The following NCAM2 variants were observed in gnomAD, a reference collection of about 807,000 sequenced individuals.
NCAM2 encodes the protein N-CAM-2.
A neutral mutation model predicts 98.1 loss-of-function variants in NCAM2; 30 were observed. The observed-to-expected ratio is 0.31, with a 90% CI of 0.23 to 0.41. The LOEUF is 0.41. Among genes scored for constraint, NCAM2 ranks in the 10% least tolerant of loss-of-function variants. The probability of loss-of-function intolerance (pLI) is 1.00; values close to 1 mark genes in which losing one functional copy is unlikely to be tolerated. For synonymous variants in NCAM2, 368 were observed against 342.4 expected (o/e 1.07, Z -0.83); for missense variants, 867 against 1,005.8 (o/e 0.86, Z 1.87).
At chr21:21,154,560 GAC>G (rs2067552083) in intron 1 of NCAM2, among the ~76,000 whole-genome samples, 1 of 151,856 alleles carries the variant, frequency 6.6e-6, no homozygotes, top group South Asian at 2.1e-4. Flanking sequence ...ATAAAGGAAA[GAC>G]ACAAAACGAA....
rs376603201 is a variant in NCAM2, at chr21:21,124,516, A to G, written c.55+125898A>G. On this transcript the variant is annotated intron_variant, in intron 1 of 17. Coordinates refer to ENST00000400546, the MANE Select transcript of NCAM2 (RefSeq NM_004540.5). Reference sequence around the variant, plus strand: ...GGCTACATTTGCTAATTGAAATAGTAACAATGGAAAGCAGGAACTATTGTG... The same window carrying G: ...GGCTACATTTGCTAATTGAAATAGTGACAATGGAAAGCAGGAACTATTGTG... Among the ~76,000 whole-genome samples, 4 of 152,292 alleles carry G rather than the reference A, an allele frequency of 2.6e-5. No individual in the cohort carries two copies. The South Asian group carries it at 8.3e-4, about 32-fold the overall frequency.
chr21:21,450,194 TCA>T (rs1170197572), intron 12 of NCAM2, among the ~76,000 whole-genome samples: 1 of 152,018 alleles, frequency 6.6e-6, no homozygotes, highest in East Asian at 1.9e-4. Flanking sequence ...ATTTAAATAA[TCA>T]CACTGAATAA....
At chr21:21,301,387 T>A (rs200475950) in intron 5 of NCAM2, among the ~76,000 whole-genome samples, 2 of 10,464 alleles carry the variant, frequency 1.9e-4, no homozygotes, top group African/African-American at 2.7e-4. Context: ...TTTTTCTATT[T>A]TTTTTTTTTA....
chr21:21,464,143 C>G (rs372127000), intron 12 of NCAM2, among the ~76,000 whole-genome samples: 4 of 152,170 alleles, frequency 2.6e-5, no homozygotes, highest in South Asian at 2.1e-4. Flanking sequence ...GATGCCATCA[C>G]CAACGCAGCC....
At chr21:21,340,477 T>C (rs929820459) in intron 8 of NCAM2, among the ~76,000 whole-genome samples, 3 of 151,958 alleles carry the variant, frequency 2.0e-5, no homozygotes, top group Non-Finnish European at 4.4e-5. Context: ...AAAATAATCT[T>C]AAAGCTTTTG....
chr21:21,266,813 A>T (rs2072299737), intron 1 of NCAM2, among the ~76,000 whole-genome samples: 1 of 152,168 alleles, frequency 6.6e-6, no homozygotes, highest in Non-Finnish European at 1.5e-5. Context: ...TGGCACATGT[A>T]TACATATGCA....
chr21:21,198,475 C>G (rs2069092946), intron 1 of NCAM2, among the ~76,000 whole-genome samples: 1 of 151,942 alleles, frequency 6.6e-6, no homozygotes, highest in Non-Finnish European at 1.5e-5. Context: ...AGAGAATGAC[C>G]TTATAGAAAG....
intron 15 of NCAM2, among the ~76,000 whole-genome samples, chr21:21,483,988 A>G (rs1270163201): frequency 6.6e-6 from 1 of 152,142 alleles, no homozygotes; most frequent in African/African-American, 2.4e-5. Flanking sequence ...CTAAGAAATT[A>G]CGGTAGAAAA....
intron 12 of NCAM2, among the ~76,000 whole-genome samples, chr21:21,439,882 C>T (rs1569065584): frequency 6.6e-6 from 1 of 152,118 alleles, no homozygotes; most frequent in Non-Finnish European, 1.5e-5. Context: ...GTATAGAACA[C>T]GTGTATGTTC....
chr21:21,463,065 C>T (rs1983200485), intron 12 of NCAM2, among the ~76,000 whole-genome samples: 1 of 152,068 alleles, frequency 6.6e-6, no homozygotes, highest in Non-Finnish European at 1.5e-5. Context: ...GAAAGTCTCA[C>T]ATTAACTATC....
At chr21:21,033,380 G>A (rs2064729651) in intron 1 of NCAM2, among the ~76,000 whole-genome samples, 1 of 152,126 alleles carries the variant, frequency 6.6e-6, no homozygotes, top group African/African-American at 2.4e-5. Flanking sequence ...CAAACTGATA[G>A]AAGATTAACA....
intron 4 of NCAM2, among the ~76,000 whole-genome samples, chr21:21,290,446 A>ATCC (rs2073250513): frequency 6.6e-6 from 1 of 151,820 alleles, no homozygotes; most frequent in Non-Finnish European, 1.5e-5. Context: ...GTTATCTTCT[A>ATCC]ACATTTCTTG....
chr21:21,276,554 T>C (rs749400887), intron 1 of NCAM2, among the ~76,000 whole-genome samples: 11 of 152,090 alleles, frequency 7.2e-5, no homozygotes, highest in Non-Finnish European at 1.6e-4. Flanking sequence ...ACATAAATTT[T>C]TGACATTAGG....
chr21:21,257,968 G>A (rs1195777451), intron 1 of NCAM2, among the ~76,000 whole-genome samples: 1 of 152,160 alleles, frequency 6.6e-6, no homozygotes, highest in Non-Finnish European at 1.5e-5. Context: ...AGTTATTGGG[G>A]AAATCTTAGA....
chr21:21,436,756 C>A, intron 12 of NCAM2, among the ~76,000 whole-genome samples: 1 of 128,202 alleles, frequency 7.8e-6, no homozygotes, highest in African/African-American at 3.0e-5. Context: ...TCTACAGAAG[C>A]AACTTTTTTT....
chr21:21,254,898 T>TTG lies in NCAM2; in HGVS notation c.56-25654_56-25653dup, dbSNP rs34003442. ...CAATATGTACCCACTGGATAATAGT[T>TTG]TGTGTGTGTGTGTGTGTGTGTGTGT... On this transcript the variant is annotated intron_variant, in intron 1 of 17. Transcript: ENST00000400546. 6.0e-3 allele frequency among the ~76,000 whole-genome samples: 889 copies of TTG among 147,878 alleles called. 5 individuals carry two copies. The highest frequency in any genetic ancestry group is 0.012 in the African/African-American group (469 of 40,164).
intron 1 of NCAM2, among the ~76,000 whole-genome samples, chr21:21,036,920 A>T (rs376490344): frequency 6.6e-6 from 1 of 152,186 alleles, no homozygotes; most frequent in Non-Finnish European, 1.5e-5. Flanking sequence ...TATTTCACTA[A>T]TATAGGTTTT....
rs1455075118 is a variant in NCAM2 at position 21,432,212 on chromosome 21, C to T, written c.1585C>T (p.His529Tyr). 1 of 1,614,066 alleles carries T rather than the reference C, an allele frequency of 6.2e-7. No homozygotes were observed. The highest frequency in any genetic ancestry group is 1.3e-5 in the African/African-American group (1 of 75,026). Residue 529 changes from histidine to tyrosine, a missense_variant, in exon 12 of 18, where the codon CAC (histidine) becomes TAC (tyrosine). By Grantham distance (83) the His-to-Tyr change is moderately conservative. Transcript: ENST00000400546. Reference sequence around the variant, plus strand: ...CTCCCATGGAGGTGTACCTATTCATCACTATCAGGTGGATGTCAAAGAAGT... The same window carrying T: ...CTCCCATGGAGGTGTACCTATTCATTACTATCAGGTGGATGTCAAAGAAGT... ...PDSHGGVPIH[H>Y]YQVDVKEVAS... is the part of the protein sequence containing the mutation.
chr21:21,090,480 A>T lies in NCAM2; in HGVS notation c.55+91862A>T, dbSNP rs112136149. 2.3e-3 allele frequency among the ~76,000 whole-genome samples: 355 copies of T among 152,274 alleles called. 1 individual carries two copies. Among genetic ancestry groups the T allele is most frequent in the Non-Finnish European group, 4.0e-3 (274 of 68,022 alleles). On this transcript the variant is annotated intron_variant, in intron 1 of 17. Transcript: ENST00000400546. ...TGACATCTAAACAAAACTCTTGATG[A>T]TAAAAAAGCAAGCATTGCCATCAGT... is the stretch of plus-strand genomic sequence containing the variant.
Sources: gnomAD v4.1 joint callset for allele counts (sites outside exome capture counted in the v4.1 genomes callset) on GRCh38, gnomAD v4.1.1 for gene constraint, MANE v1.5 for transcripts, NCBI Gene and HGNC (gene_info 2026-07-23, HGNC 2026-07-21) for gene names.